LARGE1: variants seen among roughly 807,000 people sequenced by gnomAD.
LARGE1 encodes the protein LARGE xylosyl- and glucuronyltransferase 1.
A neutral mutation model predicts 87.6 loss-of-function variants in LARGE1; 43 were observed. That is an observed-to-expected ratio of 0.49 (90% confidence interval 0.38 to 0.63). The LOEUF (loss-of-function observed/expected upper bound fraction) is 0.63. Among genes scored for constraint, LARGE1 ranks in the 30% least tolerant of loss-of-function variants. The pLI, the probability that LARGE1 is intolerant of heterozygous loss-of-function variation, is 0.00. For synonymous variants in LARGE1, 434 were observed against 394.6 expected, an observed-to-expected ratio of 1.10 and a Z score of -1.18; for missense variants, 802 against 1,000.2, an observed-to-expected ratio of 0.80 and a Z score of 2.67.
At chr22:33,626,807 G>A (rs903433004) in intron 3 of LARGE1, among the ~76,000 whole-genome samples, 8 of 152,184 alleles carry the variant, frequency 5.3e-5, no homozygotes, top group African/African-American at 9.7e-5. Context: ...GAACACCTCC[G>A]CACCCCATCT....
downstream of LARGE1, among the ~76,000 whole-genome samples, chr22:33,269,295 C>T (rs963531220): frequency 7.2e-5 from 11 of 152,124 alleles, no homozygotes; most frequent in Admixed American, 7.2e-4. Flanking sequence ...ATAAATGAAA[C>T]TAAAACAAAA....
intron 12 of LARGE1, among the ~76,000 whole-genome samples, chr22:33,297,424 C>CTCCGTAGAG (rs1470500784): frequency 6.6e-6 from 1 of 151,746 alleles, no homozygotes. Context: ...GCCTGGCCAA[C>CTCCGTAGAG]ACGGCAAAAC....
rs533840590 is a variant in LARGE1 at position 33,426,631 on chromosome 22, C to T, written c.892+5530G>A. On this transcript the variant is annotated intron_variant, in intron 7 of 14. Coordinates refer to ENST00000397394, the MANE Select transcript of LARGE1 (RefSeq NM_133642.5). ...TTTGAATCTCTGCCACAGAATTTTC[C>T]ATGGTATCTGACTGTACTGCCCATT... Among the ~76,000 whole-genome samples, 470 of 152,284 alleles carry T rather than the reference C, an allele frequency of 3.1e-3. 7 individuals carry two copies. Among genetic ancestry groups the T allele is most frequent in the African/African-American group, 0.01 (433 of 41,554 alleles).
chr22:33,776,557 T>C (rs945524645), intron 1 of LARGE1, among the ~76,000 whole-genome samples: 8 of 152,232 alleles, frequency 5.3e-5, no homozygotes, highest in African/African-American at 1.9e-4. Flanking sequence ...TCCATGGGAC[T>C]ACCTATGAAG....
Position 33,758,673 on chromosome 22 carries a change from C to T in LARGE1, c.106+2698G>A, listed in dbSNP as rs376402733. ...AAGTTAGTGATCACATTCACTCCAC[C>T]GGCCACGATGGTTCTAAGCTGCCTT... On this transcript the variant is annotated intron_variant, in intron 2 of 14. Coordinates refer to ENST00000397394, the MANE Select transcript of LARGE1 (RefSeq NM_133642.5). Among the ~76,000 whole-genome samples the T allele has an allele frequency of 4.4e-4, 67 of 152,318 alleles. No individual in the cohort carries two copies. The East Asian group carries it at 6.7e-3, about 15-fold the overall frequency.
chr22:33,369,729 C>T (rs760472397), intron 9 of LARGE1, among the ~76,000 whole-genome samples: 10 of 152,042 alleles, frequency 6.6e-5, no homozygotes, highest in South Asian at 2.1e-4. Context: ...TCACCACACC[C>T]GGCTAATTTT....
chr22:33,532,834 G>A lies in LARGE1; in HGVS notation c.787+32014C>T, dbSNP rs114128077. ...AGTGCCAAGTAGTGTTAGGCGCAACGGCCCTGGAACCTGCTCATCGATGAT... is the reference window on the plus strand; with the variant it reads ...AGTGCCAAGTAGTGTTAGGCGCAACAGCCCTGGAACCTGCTCATCGATGAT... On this transcript the variant is annotated intron_variant, in intron 6 of 14. Coordinates refer to ENST00000397394, the MANE Select transcript of LARGE1 (RefSeq NM_133642.5). 9.5e-3 allele frequency among the ~76,000 whole-genome samples: 1,448 copies of A among 152,222 alleles called. 23 individuals carry two copies. The highest frequency in any genetic ancestry group is 0.032 in the African/African-American group (1,323 of 41,528).
chr22:33,106,142 G>A, the LARGE1 span: 6 of 152,332 alleles, frequency 3.9e-5, no homozygotes, highest in South Asian at 4.1e-4. Flanking sequence ...GAATTCCGAC[G>A]TGGCCTATGG....
At chr22:33,810,879 G>A (rs977654292) in intron 1 of LARGE1, among the ~76,000 whole-genome samples, 10 of 151,970 alleles carry the variant, frequency 6.6e-5, no homozygotes, top group Non-Finnish European at 1.0e-4. Flanking sequence ...GTGCGCCACC[G>A]TGCCTAGCTA....
chr22:33,319,148 C>T (rs551340247), intron 10 of LARGE1, among the ~76,000 whole-genome samples: 59 of 152,274 alleles, frequency 3.9e-4, no homozygotes, highest in Admixed American at 1.8e-3. Context: ...ACTAAAGCGG[C>T]ACAGTTTATT....
intron 6 of LARGE1, among the ~76,000 whole-genome samples, chr22:33,497,435 T>G (rs5749620): frequency 0.29 from 44,601 of 151,998 alleles, 6,941 homozygotes; most frequent in African/African-American, 0.38. Flanking sequence ...CACTATAAAC[T>G]AGGGACAAAA....
At chr22:33,690,479 C>T (rs1603162305) in intron 2 of LARGE1, among the ~76,000 whole-genome samples, 1 of 152,146 alleles carries the variant, frequency 6.6e-6, no homozygotes, top group South Asian at 2.1e-4. Flanking sequence ...CTGGAAGAAG[C>T]CTGACCTGAG....
chr22:33,572,126 C>A (rs936544082), intron 5 of LARGE1: 3 of 965,164 alleles, frequency 3.1e-6, no homozygotes, highest in African/African-American at 1.7e-5. Context: ...ATATTTTTTG[C>A]TCAAAATAGA....
rs527774758 is a variant in LARGE1 at position 33,384,343 on chromosome 22, T to A, written c.893-39A>T. On this transcript the variant is annotated intron_variant, in intron 7 of 14. Transcript: ENST00000397394. ...CAGGATAAAAGAGAAAATTAAAAAA[T>A]AAAAAAGATGGAGAGCTAGGCACAC... The A allele has an allele frequency of 2.7e-5, 41 of 1,491,006 alleles. No individual in the cohort carries two copies. The South Asian group carries it at 4.4e-4, about 16-fold the overall frequency. 92.4% of individuals were successfully genotyped at this position (1,491,006 alleles called of 1,614,324 possible).
At chr22:33,683,622 TAGGC>T (rs200986546) in intron 2 of LARGE1, among the ~76,000 whole-genome samples, 2 of 151,866 alleles carry the variant, frequency 1.3e-5, no homozygotes, top group African/African-American at 2.4e-5. Flanking sequence ...ACAGAATGGT[TAGGC>T]AGGCAGGCAG....
intron 1 of LARGE1, among the ~76,000 whole-genome samples, chr22:33,918,150 A>G (rs1490031247): frequency 2.0e-5 from 3 of 152,170 alleles, no homozygotes; most frequent in African/African-American, 7.2e-5. Flanking sequence ...TGATGAGATG[A>G]AAAAAACCTT....
chr22:33,279,425 A>G (rs1375876363), intron 13 of LARGE1, among the ~76,000 whole-genome samples: 3 of 152,192 alleles, frequency 2.0e-5, no homozygotes, highest in Non-Finnish European at 2.9e-5. Context: ...CGTGTGGCCA[A>G]TGGGACACTT....
At chr22:33,179,214 T>C (rs1337850237) in intron 11 of LARGE1, among the ~76,000 whole-genome samples, 2 of 152,140 alleles carry the variant, frequency 1.3e-5, no homozygotes, top group Non-Finnish European at 2.9e-5. Flanking sequence ...ATTCAAACCA[T>C]AGCAATCCAC....
At chr22:33,831,296 G>A (rs2062959988) in intron 1 of LARGE1, among the ~76,000 whole-genome samples, 1 of 152,074 alleles carries the variant, frequency 6.6e-6, no homozygotes. Context: ...CACAAAAAAA[G>A]GAGTGTCAAG....
Sources: gnomAD v4.1 joint callset for allele counts (sites outside exome capture counted in the v4.1 genomes callset) on GRCh38, gnomAD v4.1.1 for gene constraint, MANE v1.5 for transcripts, NCBI Gene and HGNC (gene_info 2026-07-23, HGNC 2026-07-21) for gene names.